The following RBFOX1 variants were observed in gnomAD, a reference collection of about 807,000 sequenced individuals.
RBFOX1 encodes the protein RNA binding protein fox-1 homolog 1.
A neutral mutation model predicts 57.7 loss-of-function variants in RBFOX1; 8 were observed. The ratio of observed to expected loss-of-function variants is 0.14; its 90% CI spans 0.08 to 0.25. The LOEUF is 0.25. Among genes scored for constraint, RBFOX1 ranks in the 10% least tolerant of loss-of-function variants. The pLI, the probability that RBFOX1 is intolerant of heterozygous loss-of-function variation, is 1.00. For missense variants in RBFOX1, 611 were observed against 548.5 expected (o/e 1.11, Z -1.14); for synonymous variants, 326 against 222.4 (o/e 1.47, Z -4.15).
chr16:7,228,124 C>T lies in RBFOX1; in HGVS notation c.27+176026C>T, dbSNP rs1413201677. On this transcript the variant is annotated intron_variant, in intron 4 of 15. Coordinates refer to ENST00000550418, the MANE Select transcript of RBFOX1 (RefSeq NM_018723.4). ...GAATCACTATCTTACAGGAAGGTGGCAAAGATGAGAGTATCAGACTGTAAG... is the reference window on the plus strand; with the variant it reads ...GAATCACTATCTTACAGGAAGGTGGTAAAGATGAGAGTATCAGACTGTAAG... Among the ~76,000 whole-genome samples, 4 of 152,040 alleles carry T rather than the reference C, an allele frequency of 2.6e-5. No homozygotes were observed. In the East Asian group the frequency reaches 7.8e-4, roughly 29 times the overall value.
At chr16:5,849,611 CAG>C (rs1392261004) in intron 3 of RBFOX1, among the ~76,000 whole-genome samples, 1 of 152,158 alleles carries the variant, frequency 6.6e-6, no homozygotes, top group Non-Finnish European at 1.5e-5. Context: ...CACCAGTGCT[CAG>C]AGTCAGGAAA....
At chr16:7,477,592 C>G (rs971290907) in intron 4 of RBFOX1, among the ~76,000 whole-genome samples, 7 of 152,150 alleles carry the variant, frequency 4.6e-5, no homozygotes, top group Non-Finnish European at 7.3e-5. Flanking sequence ...TATGGCATGG[C>G]CTGAGTTTCG....
chr16:6,674,156 GT>G (rs1254126189), intron 3 of RBFOX1, among the ~76,000 whole-genome samples: 1 of 152,124 alleles, frequency 6.6e-6, no homozygotes, highest in African/African-American at 2.4e-5. Flanking sequence ...GTTGAATAGA[GT>G]CCTCCAGAAA....
intron 3 of RBFOX1, among the ~76,000 whole-genome samples, chr16:5,651,151 C>T (rs2049226943): frequency 7.1e-6 from 1 of 140,972 alleles, no homozygotes; most frequent in Non-Finnish European, 1.5e-5. Flanking sequence ...CTCCTGGGTT[C>T]AAGCGATTCT....
rs1462951916 is a variant in RBFOX1 at position 7,608,385 on chromosome 16, C to G, written c.676+1047C>G. ...AAAATCTGGTAAATCTGGAAAGGCT[C>G]AACAGGATAACTGATTCCTGGATTT... On this transcript the variant is annotated intron_variant, in intron 10 of 15. Transcript: ENST00000550418. Among the ~76,000 whole-genome samples the G allele has an allele frequency of 2.0e-5, 3 of 152,208 alleles. No homozygotes were observed. The East Asian group carries it at 5.8e-4, about 29-fold the overall frequency.
At chr16:6,121,689 C>G (rs1386228278) in intron 1 of RBFOX1, among the ~76,000 whole-genome samples, 3 of 152,064 alleles carry the variant, frequency 2.0e-5, no homozygotes, top group African/African-American at 7.2e-5. Flanking sequence ...AGGTGGGGAG[C>G]TCTTAAGGTC....
At chr16:7,293,701 G>C (rs1443461988) in intron 4 of RBFOX1, among the ~76,000 whole-genome samples, 2 of 152,122 alleles carry the variant, frequency 1.3e-5, no homozygotes, top group African/African-American at 4.8e-5. Context: ...ATTTTTGAGA[G>C]CCAGGAAGGT....
chr16:5,527,742 C>G (rs2044301344), intron 2 of RBFOX1, among the ~76,000 whole-genome samples: 1 of 152,114 alleles, frequency 6.6e-6, no homozygotes, highest in African/African-American at 2.4e-5. Context: ...CAGATCTCTT[C>G]TGAAATCCTT....
At chr16:6,798,019 T>C (rs1449084952) in intron 3 of RBFOX1, among the ~76,000 whole-genome samples, 2 of 152,112 alleles carry the variant, frequency 1.3e-5, no homozygotes, top group South Asian at 2.1e-4. Flanking sequence ...ATGATGATGA[T>C]GATGGTGATG....
At chr16:5,458,888 C>A (rs1214415769) in intron 1 of RBFOX1, among the ~76,000 whole-genome samples, 1 of 152,210 alleles carries the variant, frequency 6.6e-6, no homozygotes, top group Non-Finnish European at 1.5e-5. Context: ...TAGATATGAT[C>A]CCTCTGCTAA....
chr16:6,704,654 A>G (rs555413541), intron 3 of RBFOX1: 2 of 152,600 alleles, frequency 1.3e-5, no homozygotes, highest in East Asian at 1.9e-4. Flanking sequence ...AGGGAGAGAG[A>G]GAGAGCCTGC....
intron 1 of RBFOX1, among the ~76,000 whole-genome samples, chr16:6,139,330 C>G (rs2096694362): frequency 1.3e-5 from 2 of 152,142 alleles, no homozygotes; most frequent in Admixed American, 6.5e-5. Flanking sequence ...TTCTGCATCA[C>G]ACAGACCAAG....
chr16:6,682,072 C>T lies in RBFOX1; in HGVS notation c.-16+27422C>T, dbSNP rs559048992. 3.9e-5 allele frequency among the ~76,000 whole-genome samples: 6 copies of T among 152,250 alleles called. No homozygotes were observed. The South Asian group carries it at 1.0e-3, about 26-fold the overall frequency. On this transcript the variant is annotated intron_variant, in intron 3 of 15. Transcript: ENST00000550418. ...TATCTACTGGATCCAGTTTGTTTTG[C>T]CCAATAGAACAAAATGTCACGATTC...
At chr16:7,158,654 T>C (rs1012949162) in intron 4 of RBFOX1, among the ~76,000 whole-genome samples, 9 of 151,796 alleles carry the variant, frequency 5.9e-5, no homozygotes, top group Non-Finnish European at 1.2e-4. Context: ...GGTGTGTCTA[T>C]GGTGCGTGCA....
At chr16:7,160,182 A>G (rs999963237) in intron 4 of RBFOX1, among the ~76,000 whole-genome samples, 2 of 151,696 alleles carry the variant, frequency 1.3e-5, no homozygotes, top group African/African-American at 4.8e-5. Flanking sequence ...CAAACTTCAT[A>G]TGACTTTTGA....
At position 7,345,766 on chromosome 16, in the gene RBFOX1, A is replaced by C. The variant is rs566554004; in HGVS notation, c.28-172381A>C. On this transcript the variant is annotated intron_variant, in intron 4 of 15. Coordinates refer to ENST00000550418, the MANE Select transcript of RBFOX1 (RefSeq NM_018723.4). Reference sequence around the variant, plus strand: ...TCTTATCTGTCCAAACAGTTGTGGGATTTGGGTTAGAGACGCCGTCTGCAT... The same window carrying C: ...TCTTATCTGTCCAAACAGTTGTGGGCTTTGGGTTAGAGACGCCGTCTGCAT... Among the ~76,000 whole-genome samples the C allele has an allele frequency of 1.7e-3, 266 of 152,112 alleles. 1 individual carries two copies. Among genetic ancestry groups the C allele is most frequent in the African/African-American group, 5.8e-3 (240 of 41,498 alleles).
intron 4 of RBFOX1, among the ~76,000 whole-genome samples, chr16:5,916,114 A>G (rs994222096): frequency 1.3e-5 from 2 of 152,148 alleles, no homozygotes; most frequent in African/African-American, 4.8e-5. Context: ...TCAAGTGCAA[A>G]TGTAAGACAT....
At chr16:7,021,644 A>G (rs568568030) in intron 3 of RBFOX1, among the ~76,000 whole-genome samples, 2 of 147,832 alleles carry the variant, frequency 1.4e-5, no homozygotes, top group African/African-American at 2.4e-5. Context: ...TAAAAATTTT[A>G]TTAAAATTTT....
chr16:5,655,276 A>AT (rs1041432993), intron 3 of RBFOX1, among the ~76,000 whole-genome samples: 2 of 152,072 alleles, frequency 1.3e-5, no homozygotes, highest in East Asian at 1.9e-4. Context: ...ATGTTCTATG[A>AT]TTTTTTTTGA....
Sources: gnomAD v4.1 joint callset for allele counts (sites outside exome capture counted in the v4.1 genomes callset) on GRCh38, gnomAD v4.1.1 for gene constraint, MANE v1.5 for transcripts, NCBI Gene and HGNC (gene_info 2026-07-23, HGNC 2026-07-21) for gene names.